The following SORCS3 variants were observed in gnomAD, a reference collection of about 807,000 sequenced individuals.
SORCS3 encodes sortilin related VPS10 domain containing receptor 3.
Under a neutral mutation model 146.3 loss-of-function variants are expected in SORCS3, and 57 were observed. That is an observed-to-expected ratio of 0.39 (90% CI 0.31 to 0.49). The LOEUF is 0.49. SORCS3 is among the 20% of genes least tolerant of loss of function. SORCS3 has a pLI of 0.92. For synonymous variants in SORCS3, 653 were observed against 618.5 expected (o/e 1.06, Z -0.83); for missense variants, 1,341 against 1,575.5 (o/e 0.85, Z 2.52).
At chr10:104,681,777 C>T (rs118091442) in intron 1 of SORCS3, among the ~76,000 whole-genome samples, 9 of 152,308 alleles carry the variant, frequency 5.9e-5, no homozygotes, top group East Asian at 5.8e-4. Flanking sequence ...TTTGCATGGA[C>T]GGCTCCCTTT....
intron 4 of SORCS3, among the ~76,000 whole-genome samples, chr10:105,012,055 G>T (rs1228201802): frequency 6.6e-6 from 1 of 152,182 alleles, no homozygotes; most frequent in African/African-American, 2.4e-5. Flanking sequence ...AGTGACATTT[G>T]AGAGAGCATA....
chr10:105,203,032 C>A (rs550169877), intron 16 of SORCS3, among the ~76,000 whole-genome samples: 2 of 152,290 alleles, frequency 1.3e-5, no homozygotes, highest in South Asian at 4.1e-4. Context: ...GGCAGCCTCA[C>A]TTCTTCCAGC....
chr10:104,685,043 C>G (rs1305825128), intron 1 of SORCS3, among the ~76,000 whole-genome samples: 1 of 151,906 alleles, frequency 6.6e-6, no homozygotes, highest in African/African-American at 2.4e-5. Flanking sequence ...GTCTCGAGCT[C>G]CTGGCCTCAA....
chr10:104,929,714 A>C (rs2019188074), intron 3 of SORCS3, among the ~76,000 whole-genome samples: 1 of 152,226 alleles, frequency 6.6e-6, no homozygotes, highest in Admixed American at 6.5e-5. Flanking sequence ...ATCAATGTGG[A>C]TCCAGGCTGC....
At chr10:104,928,144 T>C (rs114242900) in intron 3 of SORCS3, among the ~76,000 whole-genome samples, 2 of 152,244 alleles carry the variant, frequency 1.3e-5, no homozygotes, top group African/African-American at 2.4e-5. Context: ...CTAGATATTA[T>C]AGACTCCCAA....
chr10:104,976,231 C>G (rs893916486), intron 3 of SORCS3, among the ~76,000 whole-genome samples: 2 of 152,116 alleles, frequency 1.3e-5, no homozygotes, highest in Non-Finnish European at 2.9e-5. Context: ...GCAAACAACC[C>G]CATCAAAAAG....
intron 3 of SORCS3, among the ~76,000 whole-genome samples, chr10:104,947,727 G>A (rs1220267790): frequency 1.3e-5 from 2 of 152,108 alleles, no homozygotes; most frequent in Non-Finnish European, 2.9e-5. Context: ...GGTTCAAGCT[G>A]TTCTCCTGCC....
intron 14 of SORCS3, among the ~76,000 whole-genome samples, chr10:105,178,972 G>A (rs975019769): frequency 3.3e-5 from 5 of 152,286 alleles, no homozygotes; most frequent in African/African-American, 1.2e-4. Flanking sequence ...CCTACGCTTA[G>A]GGACACTGCT....
intron 4 of SORCS3, among the ~76,000 whole-genome samples, chr10:104,980,627 T>C (rs2054926591): frequency 6.6e-6 from 1 of 152,178 alleles, no homozygotes; most frequent in African/African-American, 2.4e-5. Context: ...AGGGAGATGT[T>C]TGTGGTGAGG....
intron 5 of SORCS3, among the ~76,000 whole-genome samples, chr10:105,077,806 C>A (rs1230586955): frequency 6.6e-6 from 1 of 152,134 alleles, no homozygotes; most frequent in African/African-American, 2.4e-5. Flanking sequence ...GTGGGTGTAG[C>A]CTGATCTACT....
Position 104,878,127 on chromosome 10 carries a change from C to T in SORCS3, c.695+35268C>T, listed in dbSNP as rs966229678. Among the ~76,000 whole-genome samples, 14 of 151,950 alleles carry T rather than the reference C, an allele frequency of 9.2e-5. 1 individual carries two copies. In the South Asian group the frequency reaches 2.5e-3, roughly 27 times the overall value. Reference sequence around the variant, plus strand: ...CATTAGCTCAGGAACAAGAATGTAACCATAGAGATTTTCACAATTTATTCA... The same window carrying T: ...CATTAGCTCAGGAACAAGAATGTAATCATAGAGATTTTCACAATTTATTCA... On this transcript the variant is annotated intron_variant, in intron 2 of 26. Transcript: ENST00000369701.
At position 104,716,520 on chromosome 10, in the gene SORCS3, G is replaced by A. The variant is rs578094224; in HGVS notation, c.627+74566G>A. Among the ~76,000 whole-genome samples, 20 of 152,140 alleles carry A rather than the reference G, an allele frequency of 1.3e-4. No individual in the cohort carries two copies. In the South Asian group the frequency reaches 3.5e-3, roughly 27 times the overall value. Reference sequence around the variant, plus strand: ...ACTAATCCAAGATGCCATGGGGGTCGGGGAGGGGGCAAGAGAGAGAGACAG... The same window carrying A: ...ACTAATCCAAGATGCCATGGGGGTCAGGGAGGGGGCAAGAGAGAGAGACAG... On this transcript the variant is annotated intron_variant, in intron 1 of 26. Coordinates refer to ENST00000369701, the MANE Select transcript of SORCS3 (RefSeq NM_014978.3).
At chr10:104,696,752 GTATATATAA>G (rs1031759453) in intron 1 of SORCS3, among the ~76,000 whole-genome samples, 9 of 110,670 alleles carry the variant, frequency 8.1e-5, no homozygotes, top group East Asian at 4.8e-4. Context: ...TATTATATAC[GTATATATAA>G]TATATATAAT....
intron 16 of SORCS3, among the ~76,000 whole-genome samples, chr10:105,204,112 G>A (rs1325003702): frequency 6.6e-6 from 1 of 152,102 alleles, no homozygotes; most frequent in Non-Finnish European, 1.5e-5. Flanking sequence ...GCCTTCTGTG[G>A]TTCTCATACT....
chr10:105,061,142 G>A (rs2055483552), intron 5 of SORCS3, among the ~76,000 whole-genome samples: 2 of 152,022 alleles, frequency 1.3e-5, no homozygotes. Flanking sequence ...CTCAAATTCA[G>A]CATAATATTT....
intron 5 of SORCS3, among the ~76,000 whole-genome samples, chr10:105,061,157 A>G (rs1434832524): frequency 1.3e-5 from 2 of 152,080 alleles, no homozygotes; most frequent in African/African-American, 4.8e-5. Context: ...ATATTTACAC[A>G]TTTGTTGGAA....
At chr10:105,201,384 G>C in intron 16 of SORCS3, 131 bp downstream of exon 16, 1 of 1,136,768 alleles carries the variant, frequency 8.8e-7, no homozygotes, top group South Asian at 1.7e-5. Flanking sequence ...TGGCCTGTGG[G>C]CCCATCCATC....
intron 14 of SORCS3, among the ~76,000 whole-genome samples, chr10:105,184,001 C>T (rs1045510088): frequency 1.3e-5 from 2 of 152,160 alleles, no homozygotes; most frequent in Admixed American, 1.3e-4. Context: ...GCTCCCGTTT[C>T]CTCATGTGGA....
intron 1 of SORCS3, among the ~76,000 whole-genome samples, chr10:104,801,941 G>A (rs2017629076): frequency 2.0e-5 from 3 of 152,184 alleles, no homozygotes; most frequent in Admixed American, 2.0e-4. Context: ...CTTCTTTGAT[G>A]TTAAAATGGG....
Sources: allele counts gnomAD v4.1 joint callset (sites outside exome capture counted in the v4.1 genomes callset), GRCh38; gene constraint gnomAD v4.1.1; transcripts MANE v1.5; gene names NCBI Gene and HGNC (gene_info 2026-07-23, HGNC 2026-07-21).